The following EIF4A3 variants were observed in gnomAD, a reference collection of about 807,000 sequenced individuals.
EIF4A3 encodes eukaryotic translation initiation factor 4A3, also known as eukaryotic initiation factor 4A-III.
EIF4A3 carries 1 observed loss-of-function variant against 55.6 expected under a neutral mutation model. The ratio of observed to expected loss-of-function variants is 0.02; its 90% CI spans 0.01 to 0.09. EIF4A3 has a LOEUF of 0.09. Ranked by LOEUF, EIF4A3 falls within the 10% of genes least tolerant of loss-of-function variation. EIF4A3 has a pLI of 1.00. For missense variants in EIF4A3, 221 were observed against 540.7 expected (o/e 0.41, Z 5.86); for synonymous variants, 194 against 196.3 (o/e 0.99, Z 0.10).
chr17:80,140,204 A>G lies in EIF4A3; in HGVS notation c.373-64T>C. 6 of 1,449,412 alleles carry G rather than the reference A, an allele frequency of 4.1e-6. No homozygotes were observed. The Admixed American group carries it at 1.3e-4, about 30-fold the overall frequency. 89.8% of individuals were successfully genotyped at this position (1,449,412 alleles called of 1,614,324 possible). On this transcript the variant is annotated intron_variant, in intron 4 of 11. Transcript: ENST00000649764. ...AGAAACATCCACGTTTTCCAAAAAG[A>G]AAGACTGTTTCTCCTCCGAGATGAT...
intron 4 of EIF4A3, 196 bp from the exon 5 acceptor site, chr17:80,140,336 C>T (rs1389030875): frequency 3.0e-5 from 17 of 575,364 alleles, no homozygotes; most frequent in Non-Finnish European, 3.6e-5. Flanking sequence ...TTTTTTGAGA[C>T]GGAGTCTCAC....
At chr17:80,139,622 G>T in intron 6 of EIF4A3, 48 bp downstream of exon 6, 1 of 1,514,760 alleles carries the variant, frequency 6.6e-7, no homozygotes, top group Non-Finnish European at 9.1e-7. Context: ...GAAAATTTAA[G>T]AACTAAGAAT....
intron 7 of EIF4A3, chr17:80,138,654 T>C (rs556029441): frequency 1.1e-4 from 36 of 333,278 alleles, no homozygotes; most frequent in African/African-American, 6.9e-4. Flanking sequence ...TGAAGTACAG[T>C]GGCACAATCA....
At position 80,142,009 on chromosome 17, in the gene EIF4A3, T is replaced by C. The variant is rs577004934; in HGVS notation, c.243-161A>G. Among the ~76,000 whole-genome samples the C allele has an allele frequency of 3.3e-5, 5 of 152,354 alleles. No individual in the cohort carries two copies. In the East Asian group the frequency reaches 9.6e-4, roughly 29 times the overall value. The stretch of plus-strand genomic sequence containing the variant: ...GAGGAGGCAGGACTCGGGCCCAGTG[T>C]CACAGCTTGTTAAGTGTCCATGAAG... On this transcript the variant is annotated intron_variant, in intron 2 of 11. Transcript: ENST00000649764.
At chr17:80,139,556 G>T in intron 6 of EIF4A3, 114 bp downstream of exon 6, 2 of 919,736 alleles carry the variant, frequency 2.2e-6, no homozygotes, top group East Asian at 2.7e-5. Flanking sequence ...GTTTTTCCAC[G>T]ATGAAAACAC....
intron 1 of EIF4A3, among the ~76,000 whole-genome samples, chr17:80,144,682 C>CA (rs1342256604): frequency 5.3e-5 from 8 of 150,318 alleles, no homozygotes; most frequent in Middle Eastern, 3.4e-3. Flanking sequence ...AAAAAAAAAA[C>CA]AACAAAAAAA....
intron 1 of EIF4A3, among the ~76,000 whole-genome samples, chr17:80,145,335 C>A (rs1282350594): frequency 6.6e-6 from 1 of 152,178 alleles, no homozygotes; most frequent in East Asian, 1.9e-4. Context: ...GAGGCTGAGG[C>A]TGGTGGATCA....
At position 80,138,938 on chromosome 17, in the gene EIF4A3, TAA is replaced by T. The variant is rs1226033471; in HGVS notation, c.728+81_728+82del. ...CAGCAACACAGCCAGACTCTGGCTA[TAA>T]AAAGTTTTTGAAATTACGACATAAA... On this transcript the variant is annotated intron_variant, in intron 7 of 11. Coordinates refer to ENST00000649764, the MANE Select transcript of EIF4A3 (RefSeq NM_014740.4). 32 of 1,563,140 alleles carry T rather than the reference TAA, an allele frequency of 2.0e-5. No homozygotes were observed. In the Admixed American group the frequency reaches 3.8e-4, roughly 18 times the overall value.
intron 2 of EIF4A3, among the ~76,000 whole-genome samples, chr17:80,143,890 G>T (rs966256685): frequency 1.3e-5 from 2 of 152,170 alleles, no homozygotes; most frequent in Non-Finnish European, 2.9e-5. Flanking sequence ...TGAGGCAGGA[G>T]AATAGCTTGA....
intron 8 of EIF4A3, 35 bp from the exon 9 acceptor site, chr17:80,137,536 A>G (rs1338240820): frequency 6.4e-7 from 1 of 1,556,500 alleles, no homozygotes; most frequent in African/African-American, 1.4e-5. Flanking sequence ...ACTGCAAGCT[A>G]GTATACCAAA....
At chr17:80,141,745 A>G (rs1378244093) in intron 3 of EIF4A3, 37 bp downstream of exon 3, 10 of 1,574,466 alleles carry the variant, frequency 6.4e-6, no homozygotes, top group Non-Finnish European at 8.7e-6. Flanking sequence ...TATTTCCTAG[A>G]ATTACATAAC....
chr17:80,142,333 TAC>T (rs1567850378), intron 2 of EIF4A3, among the ~76,000 whole-genome samples: 1 of 152,178 alleles, frequency 6.6e-6, no homozygotes, highest in African/African-American at 2.4e-5. Flanking sequence ...TAGCCCTTAT[TAC>T]AGTCTTATTA....
rs1372152866 is a variant in EIF4A3, at chr17:80,141,304, C to T, written c.372+15G>A. The T allele has an allele frequency of 2.5e-6, 4 of 1,610,644 alleles. No homozygotes were observed. The African/African-American group carries it at 5.3e-5, about 21-fold the overall frequency. The stretch of plus-strand genomic sequence containing the variant: ...GTACTTGTTAATCGGACACCGCTAT[C>T]TTTAGCCATCTCACCTTCTGGATCT... On this transcript the variant is annotated intron_variant, in intron 4 of 11. Transcript: ENST00000649764.
chr17:80,142,840 A>G (rs1396124113), intron 2 of EIF4A3, among the ~76,000 whole-genome samples: 2 of 152,114 alleles, frequency 1.3e-5, no homozygotes, highest in African/African-American at 2.4e-5. Context: ...GGAGTTTGAG[A>G]GCAGCCTGGG....
At position 80,141,797 on chromosome 17, in the gene EIF4A3, C is replaced by T. The variant is rs1270651539; in HGVS notation, c.294G>A (p.Gln98=). 17 of 1,613,812 alleles carry T rather than the reference C, an allele frequency of 1.1e-5. No homozygotes were observed. Among genetic ancestry groups the T allele is most frequent in the Non-Finnish European group, 1.4e-5 (16 of 1,179,866 alleles). The part of the protein sequence containing the change: ...KTATFSISVL[Q]CLDIQVRETQ... ...GGCAAATTACCTGAATATCCAAACA[C>T]TGGAGGACTGAGATACTGAAGGTGG... is the stretch of plus-strand genomic sequence containing the variant. The change falls in exon 3 of 12, where the codon CAG becomes CAA. Residue 98 remains glutamine, a synonymous_variant. Transcript: ENST00000649764.
intron 4 of EIF4A3, 68 bp from the exon 5 acceptor site, chr17:80,140,208 A>G: frequency 1.4e-6 from 2 of 1,442,294 alleles, no homozygotes; most frequent in South Asian, 1.5e-5. Flanking sequence ...AAAAAGAAAG[A>G]CTGTTTCTCC....
At chr17:80,138,864 TAC>T in intron 7 of EIF4A3, 155 bp downstream of exon 7, 1 of 985,076 alleles carries the variant, frequency 1.0e-6, no homozygotes, top group East Asian at 2.5e-5. Context: ...TCAATTCCTT[TAC>T]ACTCAGGCAA....
intron 11 of EIF4A3, 34 bp from the exon 12 acceptor site, chr17:80,135,540 A>C (rs2039563459): frequency 1.3e-6 from 2 of 1,527,038 alleles, no homozygotes; most frequent in Non-Finnish European, 1.8e-6. Flanking sequence ...TTAAGGAACA[A>C]CACAAACAAA....
At chr17:80,146,707 G>A in intron 1 of EIF4A3, 86 bp downstream of exon 1, 1 of 1,458,444 alleles carries the variant, frequency 6.9e-7, no homozygotes, top group Non-Finnish European at 9.1e-7. Context: ...GCGCAGGGCC[G>A]GCCCGGGAGT....
Sources: allele counts gnomAD v4.1 joint callset (sites outside exome capture counted in the v4.1 genomes callset), GRCh38; gene constraint gnomAD v4.1.1; transcripts MANE v1.5; gene names NCBI Gene and HGNC (gene_info 2026-07-23, HGNC 2026-07-21).